Variants in MRAP observed in about 807,000 individuals in gnomAD.
MRAP encodes the protein melanocortin-2 receptor accessory protein.
In MRAP, 8 loss-of-function variants were observed where a neutral mutation model predicts 8.7. The ratio of observed to expected loss-of-function variants is 0.92; its 90% CI spans 0.54 to 1.66. The LOEUF (loss-of-function observed/expected upper bound fraction) is 1.66. Among genes scored for constraint, MRAP ranks in the 40% most tolerant of loss-of-function variants. MRAP has a pLI of 0.00. For missense variants in MRAP, 237 were observed against 217.1 expected, an observed-to-expected ratio of 1.09 and a Z score of -0.58; for synonymous variants, 95 against 95.5, an observed-to-expected ratio of 1.00 and a Z score of 0.03.
At chr21:32,307,828 T>G (rs1004278279) in intron 2 of MRAP, among the ~76,000 whole-genome samples, 1 of 152,168 alleles carries the variant, frequency 6.6e-6, no homozygotes, top group Non-Finnish European at 1.5e-5. Context: ...GAGCTGTGAT[T>G]GCGCCACTGC....
chr21:32,299,877 G>T (rs2032218928), intron 1 of MRAP, among the ~76,000 whole-genome samples: 1 of 152,082 alleles, frequency 6.6e-6, no homozygotes, highest in Non-Finnish European at 1.5e-5. Flanking sequence ...TCTGCCCTCG[G>T]GTTCCTTATC....
At chr21:32,295,773 C>T (rs1172358840), upstream of MRAP, among the ~76,000 whole-genome samples, 1 of 152,062 alleles carries the variant, frequency 6.6e-6, no homozygotes, top group African/African-American at 2.4e-5. Context: ...ATCAGGAGTT[C>T]GAGACCAGCC....
Position 32,299,123 on chromosome 21 carries a change from G to A in MRAP, c.106+46G>A, listed in dbSNP as rs1200186376. On this transcript the variant is annotated intron_variant, in intron 1 of 2. Transcript: ENST00000303645. ...CCGGTCAGACAGAGGCTGGGGGCCG[G>A]GGCCCAAATGACTGGGCACTCCCGG... is the stretch of plus-strand genomic sequence containing the variant. 3 of 1,490,822 alleles carry A rather than the reference G, an allele frequency of 2.0e-6. No individual in the cohort carries two copies. The Admixed American group carries it at 5.2e-5, about 26-fold the overall frequency. The allele number at this position is 1,490,822 out of a possible 1,614,324, so 92.3% of individuals were successfully genotyped here.
At chr21:32,300,917 G>A (rs1447364863) in intron 1 of MRAP, among the ~76,000 whole-genome samples, 1 of 152,010 alleles carries the variant, frequency 6.6e-6, no homozygotes, top group South Asian at 2.1e-4. Context: ...ATGTGTCTAT[G>A]TGTCATGATA....
In MRAP at chr21:32,309,960, A is replaced by G. The variant is rs186708600; in HGVS notation, c.207-1724A>G. On this transcript the variant is annotated intron_variant, in intron 2 of 2. Coordinates refer to ENST00000303645, the MANE Select transcript of MRAP (RefSeq NM_001379228.1). Reference sequence around the variant, plus strand: ...AATCTGTTCTTTTCTTTCAGTTTTTAGAACTCACATTCAATTTAAGCACAT... The same window carrying G: ...AATCTGTTCTTTTCTTTCAGTTTTTGGAACTCACATTCAATTTAAGCACAT... Among the ~76,000 whole-genome samples the G allele has an allele frequency of 2.2e-3, 341 of 152,128 alleles. 6 individuals carry two copies. The highest frequency in any genetic ancestry group is 1.4e-3 in the Admixed American group (21 of 15,304).
At chr21:32,307,876 C>G (rs1335126658) in intron 2 of MRAP, among the ~76,000 whole-genome samples, 1 of 151,762 alleles carries the variant, frequency 6.6e-6, no homozygotes, top group Non-Finnish European at 1.5e-5. Flanking sequence ...CCTGTCTCAA[C>G]AAACAAACAA....
At chr21:32,304,648 C>CA (rs1317924917) in intron 1 of MRAP, among the ~76,000 whole-genome samples, 5 of 52,292 alleles carry the variant, frequency 9.6e-5, no homozygotes, top group African/African-American at 1.6e-4. Flanking sequence ...CAAAACAAAA[C>CA]AAACAAACAA....
At chr21:32,295,182 T>C (rs1481756507), upstream of MRAP, among the ~76,000 whole-genome samples, 1 of 152,110 alleles carries the variant, frequency 6.6e-6, no homozygotes, top group Non-Finnish European at 1.5e-5. Flanking sequence ...AAGCAAGTTT[T>C]AGAACAGGAG....
At chr21:32,302,102 C>CA (rs1460944009) in intron 1 of MRAP, among the ~76,000 whole-genome samples, 3 of 152,334 alleles carry the variant, frequency 2.0e-5, no homozygotes, top group African/African-American at 7.2e-5. Flanking sequence ...TGTTGCTCAA[C>CA]AACTTCTTGA....
chr21:32,293,061 T>C (rs1312672857), exon 2 of MRAP: 1 of 152,182 alleles, frequency 6.6e-6, no homozygotes, highest in Non-Finnish European at 1.5e-5. Context: ...ACGGACCCAG[T>C]ATAATCACAA....
At chr21:32,314,717 C>A, downstream of MRAP, 1 of 1,530,444 alleles carries the variant, frequency 6.5e-7, no homozygotes, top group Non-Finnish European at 9.0e-7. Context: ...TGATGCTGGG[C>A]ACCTACAGGC....
upstream of MRAP, among the ~76,000 whole-genome samples, chr21:32,294,084 TC>T (rs2123488143): frequency 6.6e-6 from 1 of 152,256 alleles, no homozygotes; most frequent in African/African-American, 2.4e-5. Flanking sequence ...TTTTATCCAT[TC>T]TGTAGAGGTA....
chr21:32,311,872 C>A lies in MRAP; in HGVS notation c.395C>A (p.Pro132His). The change falls in exon 3 of 3, where the codon CCC (proline) becomes CAC (histidine). Residue 132 changes from proline (P) to histidine (H), a missense_variant. Transcript: ENST00000303645. Reference sequence around the variant, plus strand: ...CGACAGGAGAGCTCCTCCACCTTGCCCCTCGGGGGTTTCCAGACCCACCCC... The same window carrying A: ...CGACAGGAGAGCTCCTCCACCTTGCACCTCGGGGGTTTCCAGACCCACCCC... Reference protein sequence around the residue: ...PLRQESSSTLPLGGFQTHPTL... With the variant: ...PLRQESSSTLHLGGFQTHPTL... 6.2e-7 allele frequency: 1 copy of A among 1,614,120 alleles called. No homozygotes were observed. The highest frequency in any genetic ancestry group is 8.5e-7 in the Non-Finnish European group (1 of 1,180,052).
chr21:32,304,241 T>C (rs1214747855), intron 1 of MRAP, among the ~76,000 whole-genome samples: 1 of 152,174 alleles, frequency 6.6e-6, no homozygotes, highest in Non-Finnish European at 1.5e-5. Context: ...GGTTGTAAAA[T>C]AGATTGTAAC....
downstream of MRAP, chr21:32,314,674 A>C: frequency 6.2e-7 from 1 of 1,601,542 alleles, no homozygotes; most frequent in Non-Finnish European, 8.6e-7. Context: ...GATGGGCCTC[A>C]TGGCCTAGAA....
intron 1 of MRAP, among the ~76,000 whole-genome samples, chr21:32,303,406 G>A (rs1329665230): frequency 6.6e-6 from 1 of 152,212 alleles, no homozygotes; most frequent in Non-Finnish European, 1.5e-5. Context: ...CCTTAGATTG[G>A]ATTAATTTGT....
chr21:32,310,708 G>A (rs543032051), intron 2 of MRAP, among the ~76,000 whole-genome samples: 104 of 151,278 alleles, frequency 6.9e-4, no homozygotes, highest in African/African-American at 1.9e-3. Context: ...GTGCAGTGGC[G>A]CAATCTTGGC....
At chr21:32,301,629 G>T (rs1004046524) in intron 1 of MRAP, among the ~76,000 whole-genome samples, 1 of 152,314 alleles carries the variant, frequency 6.6e-6, no homozygotes, top group South Asian at 2.1e-4. Flanking sequence ...TTCTAACATA[G>T]TGAGTCTCCA....
chr21:32,295,744 G>A (rs1455823047), upstream of MRAP, among the ~76,000 whole-genome samples: 1 of 152,176 alleles, frequency 6.6e-6, no homozygotes, highest in Non-Finnish European at 1.5e-5. Flanking sequence ...GAGAGGCCGA[G>A]GCAGGCGGAT....
Sources: gnomAD v4.1 joint callset for allele counts (sites outside exome capture counted in the v4.1 genomes callset) on GRCh38, gnomAD v4.1.1 for gene constraint, MANE v1.5 for transcripts, NCBI Gene and HGNC (gene_info 2026-07-23, HGNC 2026-07-21) for gene names.